ASTN2: variants seen among roughly 807,000 people sequenced by gnomAD.
ASTN2 encodes the protein astrotactin 2.
A neutral mutation model predicts 139.8 loss-of-function variants in ASTN2; 54 were observed. That is an observed-to-expected ratio of 0.39 (90% CI 0.31 to 0.48). ASTN2 has a LOEUF of 0.48. Among genes scored for constraint, ASTN2 ranks in the 20% least tolerant of loss-of-function variants. ASTN2 has a pLI of 0.95. For synonymous variants in ASTN2, 756 were observed against 719.5 expected (o/e 1.05, Z -0.81); for missense variants, 1,565 against 1,725.1 (o/e 0.91, Z 1.64).
At chr9:116,506,800 T>C (rs1240564021) in intron 19 of ASTN2, among the ~76,000 whole-genome samples, 1 of 152,162 alleles carries the variant, frequency 6.6e-6, no homozygotes, top group African/African-American at 2.4e-5. Flanking sequence ...GATAGACAAG[T>C]CCTGCAGGGG....
At chr9:116,763,269 T>C (rs910803613) in intron 13 of ASTN2, among the ~76,000 whole-genome samples, 1 of 152,206 alleles carries the variant, frequency 6.6e-6, no homozygotes, top group African/African-American at 2.4e-5. Flanking sequence ...ACACATGTGC[T>C]AGGGGTAGCC....
At chr9:117,016,607 T>TGTTAC (rs1462666655) in intron 6 of ASTN2, among the ~76,000 whole-genome samples, 1 of 3,650 alleles carries the variant, frequency 2.7e-4, no homozygotes, top group Non-Finnish European at 7.0e-4. Context: ...TATATATCTA[T>TGTTAC]ATCTATATCT....
intron 1 of ASTN2, among the ~76,000 whole-genome samples, chr9:117,342,239 C>T (rs866280003): frequency 3.9e-5 from 6 of 152,186 alleles, no homozygotes; most frequent in African/African-American, 1.4e-4. Context: ...TGCTAAAATG[C>T]CAGATGGTTG....
At chr9:116,913,855 G>T (rs960109569) in intron 10 of ASTN2, among the ~76,000 whole-genome samples, 2 of 151,704 alleles carry the variant, frequency 1.3e-5, no homozygotes, top group Non-Finnish European at 2.9e-5. Flanking sequence ...TTTCTGTTCA[G>T]TCCTCATGGA....
At chr9:116,599,989 C>G (rs1442492101) in intron 19 of ASTN2, among the ~76,000 whole-genome samples, 1 of 152,102 alleles carries the variant, frequency 6.6e-6, no homozygotes, top group Non-Finnish European at 1.5e-5. Context: ...CACCTTGATG[C>G]CACACAGAAT....
chr9:116,537,068 C>G (rs1439500344), intron 19 of ASTN2, among the ~76,000 whole-genome samples: 1 of 152,228 alleles, frequency 6.6e-6, no homozygotes, highest in Non-Finnish European at 1.5e-5. Flanking sequence ...GGCGCCCCTC[C>G]CCCAGCCTTG....
intron 2 of ASTN2, among the ~76,000 whole-genome samples, chr9:117,251,769 T>C (rs904079078): frequency 6.6e-6 from 1 of 152,100 alleles, no homozygotes; most frequent in African/African-American, 2.4e-5. Flanking sequence ...GCCAGGACAG[T>C]GAAAGGCATC....
chr9:116,916,208 G>C lies in ASTN2; in HGVS notation c.1890-52475C>G, dbSNP rs146199659. 2.6e-3 allele frequency among the ~76,000 whole-genome samples: 391 copies of C among 152,256 alleles called. 1 individual carries two copies. Among genetic ancestry groups the C allele is most frequent in the Non-Finnish European group, 4.0e-3 (274 of 68,020 alleles). On this transcript the variant is annotated intron_variant, in intron 10 of 22. Coordinates refer to ENST00000313400, the MANE Select transcript of ASTN2 (RefSeq NM_001365068.1). ...GGGTTTCATGTTGTTGTCTGTCCCT[G>C]ACCATGAATGGCCCACCATCAGTGA...
At chr9:116,668,729 C>G (rs1244865545) in intron 16 of ASTN2, among the ~76,000 whole-genome samples, 1 of 152,164 alleles carries the variant, frequency 6.6e-6, no homozygotes, top group Admixed American at 6.5e-5. Flanking sequence ...CTCCTTTGGA[C>G]AAATACCAAG....
intron 18 of ASTN2, among the ~76,000 whole-genome samples, chr9:116,619,688 ATTTTTTTT>A (rs766517097): frequency 9.4e-5 from 7 of 74,300 alleles, no homozygotes; most frequent in African/African-American, 2.8e-4. Context: ...CACACGGGCT[ATTTTTTTT>A]TTTTTTTTTT....
At chr9:117,306,196 AACTCTAAACTTAGAGTAG>A (rs1184779898) in intron 1 of ASTN2, among the ~76,000 whole-genome samples, 5 of 152,146 alleles carry the variant, frequency 3.3e-5, no homozygotes, top group African/African-American at 1.2e-4. Context: ...GAATCACAGA[AACTCTAAACTTAGAGTAG>A]ACTTTGTCAA....
rs564141296 is a variant in ASTN2 at position 116,602,307 on chromosome 9, G to T, written c.3355+16017C>A. On this transcript the variant is annotated intron_variant, in intron 19 of 22. Coordinates refer to ENST00000313400, the MANE Select transcript of ASTN2 (RefSeq NM_001365068.1). ...AAAGGAAAGAGATCATTTTGATGCT[G>T]GAAGATGCAATGTTTTGTTTGTGTC... Among the ~76,000 whole-genome samples the T allele has an allele frequency of 5.9e-5, 9 of 152,210 alleles. No homozygotes were observed. The East Asian group carries it at 1.5e-3, about 26-fold the overall frequency.
chr9:116,742,698 T>G (rs1829126108), intron 13 of ASTN2, among the ~76,000 whole-genome samples: 1 of 152,102 alleles, frequency 6.6e-6, no homozygotes, highest in African/African-American at 2.4e-5. Flanking sequence ...CCATGCCAAG[T>G]TCTGCATACA....
intron 4 of ASTN2, among the ~76,000 whole-genome samples, chr9:117,126,656 G>A (rs1163953245): frequency 6.6e-6 from 1 of 152,196 alleles, no homozygotes; most frequent in African/African-American, 2.4e-5. Flanking sequence ...AGGCAAAGGA[G>A]TAGGAAGCCT....
chr9:116,681,324 G>A (rs1364255995), intron 16 of ASTN2, among the ~76,000 whole-genome samples: 2 of 152,170 alleles, frequency 1.3e-5, no homozygotes, highest in Middle Eastern at 3.2e-3. Context: ...CAAGGGACGT[G>A]AAGGACCTCT....
intron 1 of ASTN2, among the ~76,000 whole-genome samples, chr9:117,330,092 T>TG (rs1564149706): frequency 4.6e-5 from 7 of 152,164 alleles, no homozygotes; most frequent in Admixed American, 6.5e-5. Context: ...TCTGAGGACT[T>TG]GCTTCTCTTT....
chr9:117,108,529 G>T (rs1829166516), intron 4 of ASTN2, among the ~76,000 whole-genome samples: 1 of 149,060 alleles, frequency 6.7e-6, no homozygotes, highest in Non-Finnish European at 1.5e-5. Context: ...ACATGCACTG[G>T]GAAGTGAAAC....
intron 19 of ASTN2, among the ~76,000 whole-genome samples, chr9:116,516,510 C>T (rs1368264737): frequency 6.6e-6 from 1 of 152,206 alleles, no homozygotes; most frequent in Non-Finnish European, 1.5e-5. Flanking sequence ...GAAGGACTAG[C>T]TTGCAGCTCC....
chr9:117,022,382 C>T (rs547728907), intron 6 of ASTN2, among the ~76,000 whole-genome samples: 2 of 151,566 alleles, frequency 1.3e-5, no homozygotes, highest in Non-Finnish European at 2.9e-5. Context: ...AGATGCATAC[C>T]CTTTAGATGA....
Sources: allele counts gnomAD v4.1 joint callset (sites outside exome capture counted in the v4.1 genomes callset), GRCh38; gene constraint gnomAD v4.1.1; transcripts MANE v1.5; gene names NCBI Gene and HGNC (gene_info 2026-07-23, HGNC 2026-07-21).